ADCY7: variants seen among roughly 807,000 people sequenced by gnomAD.
ADCY7 encodes the protein adenylate cyclase 7.
In ADCY7, 72 loss-of-function variants were observed where a neutral mutation model predicts 120.6. That is an observed-to-expected ratio of 0.60 (90% CI 0.49 to 0.73). ADCY7 has a LOEUF of 0.73. Ranked by LOEUF, ADCY7 falls within the 30% of genes least tolerant of loss-of-function variation. The pLI is 0.00. For missense variants in ADCY7, 1,227 were observed against 1,486.0 expected, an observed-to-expected ratio of 0.83 and a Z score of 2.87; for synonymous variants, 661 against 628.0, an observed-to-expected ratio of 1.05 and a Z score of -0.78.
chr16:50,244,828 G>A (rs2032534445), upstream of ADCY7, among the ~76,000 whole-genome samples: 1 of 152,216 alleles, frequency 6.6e-6, no homozygotes, highest in South Asian at 2.1e-4. Context: ...TAGTGGAGTC[G>A]CACCGGCCCA....
intron 1 of ADCY7, chr16:50,279,802 C>T (rs2034135396): frequency 6.6e-6 from 1 of 152,144 alleles, no homozygotes; most frequent in Non-Finnish European, 1.5e-5. Context: ...GCAGCTGGAG[C>T]CTTGGGGGTG....
upstream of ADCY7, chr16:50,246,025 CGCCCCCCAGCCCCCA>C (rs2032571356): frequency 6.6e-6 from 1 of 150,764 alleles, no homozygotes; most frequent in Non-Finnish European, 1.5e-5. Context: ...GCCTCCTGGG[CGCCCCCCAGCCCCCA>C]GCCCCCCGCC....
rs1383671402 is a variant in ADCY7, at chr16:50,315,047, T to C, written c.3005T>C (p.Ile1002Thr). Residue 1002 changes from isoleucine to threonine, a missense_variant, in exon 25 of 26, where the codon ATT becomes ACT. Ile to Thr is a moderately conservative substitution (Grantham distance 89). Around this residue, in one of 5 missense-constraint regions of ADCY7, gnomAD observed 244 missense variants for 332.8 expected, o/e 0.73. Coordinates refer to ENST00000673801, the MANE Select transcript of ADCY7 (RefSeq NM_001114.5). The stretch of plus-strand genomic sequence containing the variant: ...CATGGGCCTGTGATTGCTGGAGTGA[T>C]TGGGGCCCGAAAACCTCAGTATGAC... ...INHGPVIAGVIGARKPQYDIW... is the reference protein window; with the variant it reads ...INHGPVIAGVTGARKPQYDIW... The C allele has an allele frequency of 4.0e-5, 64 of 1,614,078 alleles. No homozygotes were observed. Among genetic ancestry groups the C allele is most frequent in the Non-Finnish European group, 5.1e-5 (60 of 1,180,034 alleles).
Position 50,288,332 on chromosome 16 carries a change from C to T in ADCY7, c.153C>T (p.Ile51=). Residue 51 remains isoleucine, a synonymous_variant, in exon 2 of 26, where the codon ATC becomes ATT. Transcript: ENST00000673801. Reference sequence around the variant, plus strand: ...CCACTGCCTGCGTGGCCCTCATCATCATTGCCTTCAGCCAGGGGGTGAGTG... The same window carrying T: ...CCACTGCCTGCGTGGCCCTCATCATTATTGCCTTCAGCCAGGGGGTGAGTG... The part of the protein sequence containing the change: ...VAATACVALI[I]IAFSQGDPSR... 6.5e-7 allele frequency: 1 copy of T among 1,548,846 alleles called. No homozygotes were observed. The highest frequency in any genetic ancestry group is 8.7e-7 in the Non-Finnish European group (1 of 1,145,380).
rs193000390 is a variant in ADCY7 at position 50,307,508 on chromosome 16, G to A, written c.1850+361G>A. On this transcript the variant is annotated intron_variant, in intron 15 of 25. Coordinates refer to ENST00000673801, the MANE Select transcript of ADCY7 (RefSeq NM_001114.5). ...TTTCTCTTATATATAGGGAAATTGG[G>A]GCACAGAGGATTAATGATTTATCCA... Among the ~76,000 whole-genome samples, 430 of 152,146 alleles carry A rather than the reference G, an allele frequency of 2.8e-3. 3 individuals are homozygous for A. The highest frequency in any genetic ancestry group is 4.5e-3 in the Non-Finnish European group (305 of 68,000).
At chr16:50,262,158 C>A (rs1375067755), upstream of ADCY7, among the ~76,000 whole-genome samples, 1 of 152,120 alleles carries the variant, frequency 6.6e-6, no homozygotes, top group Non-Finnish European at 1.5e-5. Flanking sequence ...TGTTTCATGG[C>A]CTCATCTTGA....
At position 50,318,089 on chromosome 16, in the gene ADCY7, G is replaced by A. The variant is rs2036897483; in HGVS notation, c.*2584G>A. 1 of 152,232 alleles carries A rather than the reference G, an allele frequency of 6.6e-6. No individual in the cohort carries two copies. The highest frequency in any genetic ancestry group is 2.1e-4 in the South Asian group (1 of 4,832). The allele number at this position is 152,232 out of a possible 1,614,324, so 9.4% of individuals were successfully genotyped here. On this transcript the variant is annotated 3_prime_UTR_variant, in exon 26 of 26. Transcript: ENST00000673801. ...TGTTTCATTTTTATAAAGTACCAGT[G>A]TTTAGCTGCTTTTTATACATTAAAT...
intron 18 of ADCY7, 118 bp downstream of exon 18, chr16:50,309,764 C>T: frequency 1.1e-6 from 1 of 883,590 alleles, no homozygotes; most frequent in Non-Finnish European, 1.7e-6. Context: ...CATGTGGAGG[C>T]TGAGAACAGC....
chr16:50,247,211 T>C (rs1297213027), intron 1 of ADCY7, among the ~76,000 whole-genome samples: 1 of 152,068 alleles, frequency 6.6e-6, no homozygotes, highest in Non-Finnish European at 1.5e-5. Flanking sequence ...GGTGCCCTTG[T>C]AGAAGGGAGT....
upstream of ADCY7, among the ~76,000 whole-genome samples, chr16:50,265,472 C>T (rs1039948917): frequency 1.3e-5 from 2 of 152,192 alleles, no homozygotes; most frequent in Non-Finnish European, 2.9e-5. Context: ...ATGTTCAGTT[C>T]CTCCTGATCA....
intron 1 of ADCY7, among the ~76,000 whole-genome samples, chr16:50,268,534 G>A (rs1481352462): frequency 1.3e-5 from 2 of 152,154 alleles, no homozygotes; most frequent in African/African-American, 4.8e-5. Flanking sequence ...CTAAAGTGCT[G>A]GGATTACAAG....
At chr16:50,249,913 G>C (rs977977475) in intron 1 of ADCY7, among the ~76,000 whole-genome samples, 13 of 149,682 alleles carry the variant, frequency 8.7e-5, no homozygotes, top group African/African-American at 3.3e-4. Context: ...GGGAGCCCCT[G>C]TTCAGTTAAC....
Position 50,315,031 on chromosome 16 carries a change from G to C in ADCY7, c.2989G>C (p.Val997Leu). ...ATCTTCAGGCATAAACCATGGGCCT[G>C]TGATTGCTGGAGTGATTGGGGCCCG... ...RLRVGINHGP[V>L]IAGVIGARKP... Residue 997 changes from valine to leucine, a missense_variant, in exon 25 of 26, where the codon GTG becomes CTG. Transcript: ENST00000673801. 1 of 1,614,250 alleles carries C rather than the reference G, an allele frequency of 6.2e-7. No individual in the cohort carries two copies. Among genetic ancestry groups the C allele is most frequent in the Non-Finnish European group, 8.5e-7 (1 of 1,180,040 alleles).
At position 50,300,743 on chromosome 16, in the gene ADCY7, A is replaced by G. The variant is rs1481931317; in HGVS notation, c.1105A>G (p.Ile369Val). 6.4e-7 allele frequency: 1 copy of G among 1,552,076 alleles called. No homozygotes were observed. The highest frequency in any genetic ancestry group is 8.7e-7 in the Non-Finnish European group (1 of 1,147,202). Residue 369 changes from isoleucine to valine, a missense_variant, in exon 9 of 26, where the codon ATC becomes GTC. Ile to Val is a conservative substitution (Grantham distance 29). Transcript: ENST00000673801. ...GGTGCGGGAGGCCACGGGCGTGGAC[A>G]TCAACATGCGTGTGGGCATACACTC... ...KQVREATGVD[I>V]NMRVGIHSGN...
chr16:50,309,639 C>G lies in ADCY7; in HGVS notation c.2153C>G (p.Pro718Arg). Reference protein sequence around the residue: ...ASSKTRALCEPLPYYTCSCVL... With the variant: ...ASSKTRALCERLPYYTCSCVL... ...AGCAAGACAAGAGCCCTGTGTGAGC[C>G]CCTCCCGGTGAGTGCGCCGGGCCCG... The change falls in exon 18 of 26, where the codon CCC (proline) becomes CGC (arginine). Residue 718 changes from proline (P) to arginine (R), a missense_variant. By Grantham distance (103) the Pro-to-Arg change is moderately radical (BLOSUM62 -2). Coordinates refer to ENST00000673801, the MANE Select transcript of ADCY7 (RefSeq NM_001114.5). 2 of 1,609,820 alleles carry G rather than the reference C, an allele frequency of 1.2e-6. No homozygotes were observed. The highest frequency in any genetic ancestry group is 1.7e-4 in the Middle Eastern group (1 of 6,058).
chr16:50,260,280 A>G (rs921383396), intron 1 of ADCY7, among the ~76,000 whole-genome samples: 5 of 152,110 alleles, frequency 3.3e-5, no homozygotes, highest in African/African-American at 1.2e-4. Context: ...GATGGAGGAG[A>G]AGACAGGACC....
At chr16:50,305,955 G>C in intron 14 of ADCY7, 106 bp downstream of exon 14, 2 of 1,135,360 alleles carry the variant, frequency 1.8e-6, no homozygotes, top group South Asian at 2.5e-5. Flanking sequence ...AGACCGGCTA[G>C]GGGAGGGGCA....
chr16:50,260,039 C>T (rs932694709), intron 1 of ADCY7, among the ~76,000 whole-genome samples: 2 of 152,236 alleles, frequency 1.3e-5, no homozygotes, highest in East Asian at 1.9e-4. Flanking sequence ...GAGTCCCTCT[C>T]CCTGGGGAGC....
intron 3 of ADCY7, among the ~76,000 whole-genome samples, chr16:50,291,330 T>G: frequency 1.4e-4 from 1 of 7,116 alleles, no homozygotes; most frequent in African/African-American, 6.3e-4. Flanking sequence ...CCGGTGGGGA[T>G]GGTGGGGCAG....
Sources: gnomAD v4.1 joint callset for allele counts (sites outside exome capture counted in the v4.1 genomes callset) on GRCh38, gnomAD v4.1.1 for gene constraint, gnomAD v4.1.1 regional missense constraint, MANE v1.5 for transcripts, NCBI Gene and HGNC (gene_info 2026-07-23, HGNC 2026-07-21) for gene names.